Variants in NRDC observed in about 807,000 individuals in gnomAD.
The protein encoded by NRDC is nardilysin convertase, also known as nardilysin.
In NRDC, 54 loss-of-function variants were observed where a neutral mutation model predicts 147.1. The ratio of observed to expected loss-of-function variants is 0.37; its 90% CI spans 0.29 to 0.46. The LOEUF (loss-of-function observed/expected upper bound fraction) is 0.46, where lower values mean the gene tolerates loss of function less well. NRDC is among the 20% of genes least tolerant of loss of function. NRDC has a pLI of 1.00. For missense variants in NRDC, 1,082 were observed against 1,370.6 expected, an observed-to-expected ratio of 0.79 and a Z score of 3.33; for synonymous variants, 440 against 482.1, an observed-to-expected ratio of 0.91 and a Z score of 1.14.
At chr1:51,842,233 T>G (rs12033047) in intron 1 of NRDC, among the ~76,000 whole-genome samples, 1,764 of 144,532 alleles carry the variant, frequency 0.012, 63 homozygotes, top group East Asian at 0.096. Context: ...AATGTTTGGT[T>G]TTTTTTTTTT....
intron 1 of NRDC, among the ~76,000 whole-genome samples, chr1:51,872,138 T>C (rs772298280): frequency 6.6e-6 from 1 of 152,208 alleles, no homozygotes; most frequent in Non-Finnish European, 1.5e-5. Flanking sequence ...CCCAAAGTGC[T>C]GGGATTACAG....
At position 51,812,044 on chromosome 1, in the gene NRDC, A is replaced by G. The variant is rs775743351; in HGVS notation, c.1729T>C (p.Leu577=). The part of the protein sequence containing the change: ...NMCENMQLYP[L]QDILTGDQLL... The stretch of plus-strand genomic sequence containing the variant: ...TGATCTCCAGTGAGAATGTCCTGCA[A>G]TGGGTACAGCTGCATGTTCTCACAC... Residue 577 remains leucine, a synonymous_variant, in exon 15 of 31, where the codon TTG becomes CTG. Transcript: ENST00000352171. The G allele has an allele frequency of 2.5e-6, 4 of 1,613,916 alleles. No homozygotes were observed. The Admixed American group carries it at 5.0e-5, about 20-fold the overall frequency.
intron 1 of NRDC, among the ~76,000 whole-genome samples, chr1:51,864,622 C>A (rs183882916): frequency 1.2e-4 from 18 of 152,144 alleles, no homozygotes; most frequent in African/African-American, 3.6e-4. Context: ...TATGACTGGA[C>A]AACTGGTTAT....
intron 3 of NRDC, among the ~76,000 whole-genome samples, chr1:51,835,501 C>T (rs1368207946): frequency 2.0e-4 from 25 of 122,886 alleles, no homozygotes; most frequent in Non-Finnish European, 3.8e-4. Flanking sequence ...CAGTCTTGCT[C>T]TATCACCCAA....
intron 22 of NRDC, among the ~76,000 whole-genome samples, chr1:51,796,592 T>A (rs1357369756): frequency 3.0e-4 from 1 of 3,302 alleles, no homozygotes; most frequent in Admixed American, 6.6e-3. Context: ...TAATCTCAAC[T>A]TTTTTTTTTT....
intron 14 of NRDC, 49 bp from the exon 15 acceptor site, chr1:51,812,147 T>C (rs777731380): frequency 5.5e-5 from 70 of 1,263,904 alleles, no homozygotes; most frequent in Non-Finnish European, 7.8e-5. Flanking sequence ...ATTATTATAT[T>C]TGATTTACCA....
At chr1:51,845,780 A>G (rs1434049081) in intron 1 of NRDC, among the ~76,000 whole-genome samples, 1 of 152,180 alleles carries the variant, frequency 6.6e-6, no homozygotes, top group Non-Finnish European at 1.5e-5. Flanking sequence ...CTGAGGACAG[A>G]GCTTTTCTTT....
intron 1 of NRDC, among the ~76,000 whole-genome samples, chr1:51,858,666 G>A (rs1288229503): frequency 6.6e-6 from 1 of 152,140 alleles, no homozygotes; most frequent in Non-Finnish European, 1.5e-5. Context: ...TCCAGTCTGA[G>A]TCCAAGCACA....
intron 1 of NRDC, among the ~76,000 whole-genome samples, chr1:51,872,968 T>C (rs1292570850): frequency 6.7e-6 from 1 of 149,844 alleles, no homozygotes; most frequent in Non-Finnish European, 1.5e-5. Context: ...TCATGGAATT[T>C]ACACACATGG....
intron 1 of NRDC, chr1:51,860,088 C>A: frequency 5.7e-6 from 1 of 175,586 alleles, no homozygotes. Context: ...TATAAATTAA[C>A]TGATGGATTT....
chr1:51,811,909 T>C lies in NRDC; in HGVS notation c.1779+85A>G, dbSNP rs1363752544. Reference sequence around the variant, plus strand: ...ACTAAATATAACTAAGTTTTCTTCGTTCCCATGGTTCTTAAATACATCTTC... The same window carrying C: ...ACTAAATATAACTAAGTTTTCTTCGCTCCCATGGTTCTTAAATACATCTTC... On this transcript the variant is annotated intron_variant, in intron 15 of 30. Transcript: ENST00000352171. 8.3e-6 allele frequency: 7 copies of C among 840,364 alleles called. No homozygotes were observed. The Admixed American group carries it at 1.6e-4, about 19-fold the overall frequency. The allele number at this position is 840,364 out of a possible 1,614,324, so 52.1% of individuals were successfully genotyped here.
intron 10 of NRDC, among the ~76,000 whole-genome samples, chr1:51,817,729 G>A (rs559571458): frequency 2.0e-5 from 3 of 152,202 alleles, no homozygotes; most frequent in East Asian, 1.9e-4. Flanking sequence ...ATTTTTAGTC[G>A]AGACAGGGTT....
chr1:51,811,894 A>G (rs1679737181), intron 15 of NRDC, 100 bp downstream of exon 15: 2 of 686,052 alleles, frequency 2.9e-6, no homozygotes, highest in African/African-American at 1.8e-5. Flanking sequence ...ACTAAATATA[A>G]CTAAGTTTTC....
Position 51,814,590 on chromosome 1 carries a change from T to C in NRDC, c.1580A>G (p.Gln527Arg), listed in dbSNP as rs1227200712. ...TAGCTTCTGCAGCATTTTTAAATAC[T>C]GAAAGACAGTGTAAGCAACCTGAAA... is the stretch of plus-strand genomic sequence containing the variant. ...HFYEVAYTVF[Q>R]YLKMLQKLGP... Residue 527 changes from glutamine (Q) to arginine (R), a missense_variant, in exon 13 of 31, where the codon CAG (glutamine) becomes CGG (arginine). This residue lies in a region of NRDC where 635 missense variants were observed against 923.8 expected (regional missense o/e 0.69). Transcript: ENST00000352171. 2 of 1,613,644 alleles carry C rather than the reference T, an allele frequency of 1.2e-6. No homozygotes were observed. The highest frequency in any genetic ancestry group is 1.3e-5 in the African/African-American group (1 of 75,042).
intron 19 of NRDC, 108 bp from the exon 20 acceptor site, chr1:51,804,072 C>T (rs1011113017): frequency 1.1e-6 from 1 of 938,504 alleles, no homozygotes; most frequent in African/African-American, 1.7e-5. Context: ...AGTATAAATT[C>T]TCTACTCCAG....
chr1:51,836,661 A>G (rs558701874), intron 2 of NRDC, among the ~76,000 whole-genome samples: 2 of 152,292 alleles, frequency 1.3e-5, no homozygotes, highest in South Asian at 4.1e-4. Context: ...TAGATGTGAA[A>G]CCTGTCAACA....
At chr1:51,798,119 G>A (rs1019622082) in intron 22 of NRDC, 130 bp downstream of exon 22, 2 of 843,750 alleles carry the variant, frequency 2.4e-6, no homozygotes, top group African/African-American at 3.4e-5. Context: ...GAGGGGTCAG[G>A]TTCCCTTCTA....
intron 1 of NRDC, among the ~76,000 whole-genome samples, chr1:51,873,731 G>C (rs940695796): frequency 6.6e-6 from 1 of 151,256 alleles, no homozygotes; most frequent in African/African-American, 2.4e-5. Flanking sequence ...GGCTGGTCTT[G>C]AACTCCTGAC....
At position 51,814,555 on chromosome 1, in the gene NRDC, T is replaced by C. The variant is rs764969635; in HGVS notation, c.1615A>G (p.Lys539Glu). The C allele has an allele frequency of 1.2e-5, 19 of 1,613,422 alleles. No homozygotes were observed. Among genetic ancestry groups the C allele is most frequent in the Non-Finnish European group, 1.4e-5 (17 of 1,179,526 alleles). ...ATTCCAGGAAGTGTTTATTACCTTT[T>C]TTCTGGGCCTAGCTTCTGCAGCATT... The part of the protein sequence containing the change: ...LKMLQKLGPE[K>E]RIFEEIRKIE... The change falls in exon 13 of 31, where the codon AAA (lysine) becomes GAA (glutamate). Residue 539 changes from lysine to glutamate, a missense_variant. This residue lies in a region of NRDC where 635 missense variants were observed against 923.8 expected (regional missense o/e 0.69). Coordinates refer to ENST00000352171, the MANE Select transcript of NRDC (RefSeq NM_001101662.2).
Sources: allele counts gnomAD v4.1 joint callset (sites outside exome capture counted in the v4.1 genomes callset), GRCh38; gene constraint gnomAD v4.1.1; regional missense constraint gnomAD v4.1.1; transcripts MANE v1.5; gene names NCBI Gene and HGNC (gene_info 2026-07-23, HGNC 2026-07-21).